The following ADCY2 variants were observed in gnomAD, a reference collection of about 807,000 sequenced individuals.
The protein encoded by ADCY2 is adenylate cyclase 2.
In ADCY2, 31 loss-of-function variants were observed where a neutral mutation model predicts 125.2. The observed-to-expected ratio is 0.25, with a 90% CI of 0.19 to 0.33. ADCY2 has a LOEUF of 0.33. ADCY2 is among the 10% of genes least tolerant of loss of function. The pLI, the probability that ADCY2 is intolerant of heterozygous loss-of-function variation, is 1.00. For synonymous variants in ADCY2, 512 were observed against 548.4 expected (o/e 0.93, Z 0.93); for missense variants, 904 against 1,418.2 (o/e 0.64, Z 5.82).
At chr5:7,449,608 C>T (rs1168057481) in intron 2 of ADCY2, among the ~76,000 whole-genome samples, 1 of 152,178 alleles carries the variant, frequency 6.6e-6, no homozygotes, top group African/African-American at 2.4e-5. Context: ...TACATAATGA[C>T]TCACTATAGG....
chr5:7,636,856 T>C (rs1262420150), intron 4 of ADCY2, among the ~76,000 whole-genome samples: 2 of 152,118 alleles, frequency 1.3e-5, no homozygotes, highest in Non-Finnish European at 2.9e-5. Flanking sequence ...GCAATCATGC[T>C]AAAGTGACTG....
chr5:7,644,285 T>C (rs1375388864), intron 4 of ADCY2, among the ~76,000 whole-genome samples: 1 of 152,152 alleles, frequency 6.6e-6, no homozygotes, highest in Non-Finnish European at 1.5e-5. Flanking sequence ...CTCCTTGATT[T>C]CCTCAGTGTT....
At position 7,489,676 on chromosome 5, in the gene ADCY2, G is replaced by C. The variant is rs566148364; in HGVS notation, c.409-31062G>C. ...GTGAGTAAATTAAACCTCTTTCCTT[G>C]ATAAATTAGCCAGCCTTGGGTATGC... On this transcript the variant is annotated intron_variant, in intron 2 of 24. Coordinates refer to ENST00000338316, the MANE Select transcript of ADCY2 (RefSeq NM_020546.3). Among the ~76,000 whole-genome samples, 16 of 152,278 alleles carry C rather than the reference G, an allele frequency of 1.1e-4. No homozygotes were observed. The South Asian group carries it at 3.3e-3, about 32-fold the overall frequency.
At chr5:7,437,678 C>T (rs190517006) in intron 2 of ADCY2, among the ~76,000 whole-genome samples, 20 of 152,324 alleles carry the variant, frequency 1.3e-4, no homozygotes, top group African/African-American at 4.1e-4. Flanking sequence ...AGTATCTTTT[C>T]CTGAACTCTG....
At chr5:7,596,282 C>T (rs559772958) in intron 3 of ADCY2, among the ~76,000 whole-genome samples, 1 of 148,636 alleles carries the variant, frequency 6.7e-6, no homozygotes, top group Non-Finnish European at 1.5e-5. Flanking sequence ...AACTCCCCCC[C>T]CCCACCAGTT....
rs187524508 is a variant in ADCY2 at position 7,694,165 on chromosome 5, C to T, written c.870-1587C>T. ...GTATTTCCTCAAAGGTGCAGCCACA[C>T]ATCCTGGGCTTAGCAGAAGGAGCAG... is the stretch of plus-strand genomic sequence containing the variant. On this transcript the variant is annotated intron_variant, in intron 5 of 24. Transcript: ENST00000338316. 1.3e-3 allele frequency among the ~76,000 whole-genome samples: 199 copies of T among 152,304 alleles called. 6 individuals are homozygous for T. The East Asian group carries it at 0.036, about 27-fold the overall frequency.
At chr5:7,434,657 A>G (rs1286461695) in intron 2 of ADCY2, among the ~76,000 whole-genome samples, 7 of 152,230 alleles carry the variant, frequency 4.6e-5, no homozygotes, top group Non-Finnish European at 1.0e-4. Context: ...GCATGCTTTT[A>G]TAATTGGGAG....
intron 3 of ADCY2, among the ~76,000 whole-genome samples, chr5:7,617,219 C>T (rs1737796371): frequency 6.6e-6 from 1 of 152,144 alleles, no homozygotes; most frequent in African/African-American, 2.4e-5. Context: ...CCAACCCTGC[C>T]ATCACCTTGA....
intron 20 of ADCY2, chr5:7,799,863 G>A (rs1357899174): frequency 6.6e-6 from 1 of 152,246 alleles, no homozygotes; most frequent in Non-Finnish European, 1.5e-5. Flanking sequence ...TTTTGGTCCT[G>A]TGTAATGAAA....
chr5:7,658,522 C>T lies in ADCY2; in HGVS notation c.721-32169C>T, dbSNP rs1255751943. 4.0e-5 allele frequency among the ~76,000 whole-genome samples: 6 copies of T among 151,326 alleles called. No homozygotes were observed. The South Asian group carries it at 6.3e-4, about 16-fold the overall frequency. ...GCAATGTCTGCCTTCTGGGTTCAAG[C>T]GATTCTCCTGCCTCAGCCTCCCGAG... On this transcript the variant is annotated intron_variant, in intron 4 of 24. Coordinates refer to ENST00000338316, the MANE Select transcript of ADCY2 (RefSeq NM_020546.3).
chr5:7,817,444 G>A (rs1000112919), intron 23 of ADCY2, among the ~76,000 whole-genome samples: 1 of 152,132 alleles, frequency 6.6e-6, no homozygotes, highest in African/African-American at 2.4e-5. Context: ...CACCAAATGT[G>A]TCATAGGTTC....
At chr5:7,454,079 T>C (rs2126425332) in intron 2 of ADCY2, among the ~76,000 whole-genome samples, 1 of 152,314 alleles carries the variant, frequency 6.6e-6, no homozygotes, top group Non-Finnish European at 1.5e-5. Context: ...GAACATCACC[T>C]GAGGGTCACC....
At chr5:7,650,217 G>GACACACAC (rs3073883) in intron 4 of ADCY2, among the ~76,000 whole-genome samples, 33,741 of 147,688 alleles carry the variant, frequency 0.23, 4,683 homozygotes, top group Non-Finnish European at 0.32. Flanking sequence ...TGCAGGCACA[G>GACACACAC]ACACACACAC....
intron 4 of ADCY2, chr5:7,654,139 A>C (rs1255721502): frequency 2.2e-6 from 1 of 455,914 alleles, no homozygotes; most frequent in Non-Finnish European, 4.4e-6. Context: ...CAGGAGATAA[A>C]GAGAAGTCAG....
chr5:7,465,039 A>G (rs571051826), intron 2 of ADCY2, among the ~76,000 whole-genome samples: 154 of 152,272 alleles, frequency 1.0e-3, no homozygotes, highest in Middle Eastern at 3.4e-3. Context: ...TTCCCCTTAT[A>G]AAACCATTAG....
chr5:7,440,224 A>T (rs1409133430), intron 2 of ADCY2, among the ~76,000 whole-genome samples: 1 of 152,222 alleles, frequency 6.6e-6, no homozygotes, highest in Non-Finnish European at 1.5e-5. Context: ...GGATTTCGTC[A>T]TGCATTACTT....
intron 3 of ADCY2, among the ~76,000 whole-genome samples, chr5:7,586,977 T>G (rs893552549): frequency 2.6e-5 from 4 of 152,120 alleles, no homozygotes; most frequent in African/African-American, 7.2e-5. Context: ...CACACAGGTA[T>G]ATAGATAGAT....
At chr5:7,578,631 C>A (rs1257978927) in intron 3 of ADCY2, among the ~76,000 whole-genome samples, 2 of 152,094 alleles carry the variant, frequency 1.3e-5, no homozygotes, top group African/African-American at 4.8e-5. Context: ...GAATCGTGGG[C>A]ATCTTATTTT....
At chr5:7,800,221 T>G (rs326143) in intron 20 of ADCY2, 151,324 of 152,304 alleles carry the variant, frequency 0.99, 75,183 homozygotes, top group Non-Finnish European at 1. Flanking sequence ...GTTCATGCAC[T>G]TAAAGTGTTC....
Sources: gnomAD v4.1 joint callset for allele counts (sites outside exome capture counted in the v4.1 genomes callset) on GRCh38, gnomAD v4.1.1 for gene constraint, MANE v1.5 for transcripts, NCBI Gene and HGNC (gene_info 2026-07-23, HGNC 2026-07-21) for gene names.